The following RNF31 variants were observed in gnomAD, a reference collection of about 807,000 sequenced individuals.
RNF31 encodes E3 ubiquitin-protein ligase RNF31.
Under a neutral mutation model 133.6 loss-of-function variants are expected in RNF31, and 38 were observed. That is an observed-to-expected ratio of 0.28 (90% CI 0.22 to 0.37). RNF31 has a LOEUF of 0.37. Ranked by LOEUF, RNF31 falls within the 10% of genes least tolerant of loss-of-function variation. The pLI, the probability that RNF31 is intolerant of heterozygous loss-of-function variation, is 1.00. For missense variants in RNF31, 1,118 were observed against 1,394.1 expected (o/e 0.80, Z 3.15); for synonymous variants, 582 against 552.3 (o/e 1.05, Z -0.75).
At chr14:24,154,486 C>T (rs2038313785) in intron 11 of RNF31, among the ~76,000 whole-genome samples, 2 of 152,154 alleles carry the variant, frequency 1.3e-5, no homozygotes, top group African/African-American at 2.4e-5. Flanking sequence ...CAATGTTGGC[C>T]AGGCTGGTCT....
chr14:24,149,964 A>T, intron 6 of RNF31, 97 bp from the exon 7 acceptor site: 2 of 1,399,108 alleles, frequency 1.4e-6, no homozygotes, highest in Non-Finnish European at 1.9e-6. Flanking sequence ...AAGGCCAGTG[A>T]CATGAGTTGT....
In RNF31 at chr14:24,148,825, C is replaced by T; in HGVS notation, c.580C>T (p.Pro194Ser). 1.2e-6 allele frequency: 2 copies of T among 1,614,088 alleles called. No homozygotes were observed. The highest frequency in any genetic ancestry group is 1.7e-5 in the Admixed American group (1 of 60,026). The change falls in exon 5 of 21, where the codon CCC becomes TCC. Residue 194 changes from proline (P) to serine (S), a missense_variant. Physicochemically the swap from Pro to Ser is moderately conservative, Grantham distance 74. Transcript: ENST00000324103. ...DDMLQLSEFD[P>S]LLREIAPGPL... The stretch of plus-strand genomic sequence containing the variant: ...GATGCTGCAGCTTTCAGAATTTGAC[C>T]CCCTATTGAGAGAGATTGCTCCTGG...
At chr14:24,154,037 C>T (rs919862886) in intron 11 of RNF31, among the ~76,000 whole-genome samples, 1 of 152,220 alleles carries the variant, frequency 6.6e-6, no homozygotes, top group Non-Finnish European at 1.5e-5. Flanking sequence ...GCTCTGTCGC[C>T]CTGGCTGGAG....
chr14:24,151,015 A>G lies in RNF31; in HGVS notation c.1489-116A>G. On this transcript the variant is annotated intron_variant, in intron 8 of 20. Coordinates refer to ENST00000324103, the MANE Select transcript of RNF31 (RefSeq NM_017999.5). This position sits in a 1 kb window ranked among gnomAD's most constrained non-coding sequence, Gnocchi z 5.3. ...GCTGCCTGTTACTGAGGCAGTTACCATTGCTGTACACTGATGACATGATCC... is the reference window on the plus strand; with the variant it reads ...GCTGCCTGTTACTGAGGCAGTTACCGTTGCTGTACACTGATGACATGATCC... 1 of 1,518,172 alleles carries G rather than the reference A, an allele frequency of 6.6e-7. No homozygotes were observed. Among genetic ancestry groups the G allele is most frequent in the Non-Finnish European group, 8.9e-7 (1 of 1,126,802 alleles). 94.0% of individuals were successfully genotyped at this position (1,518,172 alleles called of 1,614,324 possible). A position where few individuals can be genotyped will look rare whatever the true frequency, so the allele number is the denominator to read the frequency against.
At chr14:24,147,044 G>A (rs1467167407), upstream of RNF31, 1 of 225,100 alleles carries the variant, frequency 4.4e-6, no homozygotes, top group South Asian at 5.2e-5. Context: ...GGGTGGAGAA[G>A]GACTAGCAGC....
Position 24,150,389 on chromosome 14 carries a change from C to T in RNF31, c.1138C>T (p.Gln380Ter). 1 of 1,613,462 alleles carries T rather than the reference C, an allele frequency of 6.2e-7. No individual in the cohort carries two copies. Among genetic ancestry groups the T allele is most frequent in the Non-Finnish European group, 8.5e-7 (1 of 1,179,934 alleles). Reference sequence around the variant, plus strand: ...CATATGTGAGCGACCTCGGCTGGCCCAGCCTCCCAGCTTGGTGGTGGATTC... The same window carrying T: ...CATATGTGAGCGACCTCGGCTGGCCTAGCCTCCCAGCTTGGTGGTGGATTC... ...CSICERPRLA[Q>*]PPSLVVDSRD... The change falls in exon 7 of 21, where the codon CAG (glutamine) becomes TAG (stop). Residue 380 changes from glutamine to a stop codon, truncating the protein, a stop_gained. Coordinates refer to ENST00000324103, the MANE Select transcript of RNF31 (RefSeq NM_017999.5). LOFTEE classifies it high-confidence loss of function.
chr14:24,150,380 C>A lies in RNF31; in HGVS notation c.1129C>A (p.Arg377=), dbSNP rs760643616. Residue 377 remains arginine (R), a synonymous_variant, in exon 7 of 21, where the codon CGG becomes AGG. Transcript: ENST00000324103. ...GCTATGTTCCATATGTGAGCGACCT[C>A]GGCTGGCCCAGCCTCCCAGCTTGGT... is the stretch of plus-strand genomic sequence containing the variant. ...AVLCSICERP[R]LAQPPSLVVD... is the part of the protein sequence containing the mutation. 2.5e-6 allele frequency: 4 copies of A among 1,613,710 alleles called. No homozygotes were observed. In the South Asian group the frequency reaches 3.3e-5, roughly 13 times the overall value.
At chr14:24,154,573 C>T (rs1245778789) in intron 11 of RNF31, among the ~76,000 whole-genome samples, 1 of 152,174 alleles carries the variant, frequency 6.6e-6, no homozygotes, top group African/African-American at 2.4e-5. Flanking sequence ...CCAGCGTGCC[C>T]GGCCCCCAGT....
At chr14:24,157,487 G>C in intron 15 of RNF31, 33 bp from the exon 16 acceptor site, 2 of 1,607,552 alleles carry the variant, frequency 1.2e-6, no homozygotes, top group Non-Finnish European at 1.7e-6. Context: ...AGTTGCAGCG[G>C]CAGCTCCAGC....
chr14:24,154,420 G>T (rs994897127), intron 11 of RNF31, among the ~76,000 whole-genome samples: 2 of 152,170 alleles, frequency 1.3e-5, no homozygotes, highest in Non-Finnish European at 2.9e-5. Context: ...GGGATTACAG[G>T]CATAAGCCAT....
At position 24,155,508 on chromosome 14, in the gene RNF31, C is replaced by G. The variant is rs754777322; in HGVS notation, c.2399C>G (p.Ala800Gly). ...LMRDPKFLWC[A>G]QCSFGFIYER... Reference sequence around the variant, plus strand: ...CGGGACCCCAAGTTCTTGTGGTGTGCCCAGGTAAGTGGCCTGCCCAGGGCA... The same window carrying G: ...CGGGACCCCAAGTTCTTGTGGTGTGGCCAGGTAAGTGGCCTGCCCAGGGCA... The change falls in exon 13 of 21, where the codon GCC (alanine) becomes GGC (glycine). Residue 800 changes from alanine to glycine, a missense_variant. Physicochemically the swap from Ala to Gly is moderately conservative, Grantham distance 60 (BLOSUM62 0). This residue lies in a region of RNF31 where 201 missense variants were observed against 371.7 expected (regional missense o/e 0.54). Transcript: ENST00000324103. The surrounding 1 kb of genome is among the most constrained non-coding windows in gnomAD (Gnocchi z 4.9). The G allele has an allele frequency of 6.2e-7, 1 of 1,614,158 alleles. No homozygotes were observed. Among genetic ancestry groups the G allele is most frequent in the Non-Finnish European group, 8.5e-7 (1 of 1,180,000 alleles).
At chr14:24,154,488 G>A (rs2038313809) in intron 11 of RNF31, among the ~76,000 whole-genome samples, 1 of 152,202 alleles carries the variant, frequency 6.6e-6, no homozygotes, top group Admixed American at 6.6e-5. Flanking sequence ...ATGTTGGCCA[G>A]GCTGGTCTCG....
At position 24,155,369 on chromosome 14, in the gene RNF31, T is replaced by C. The variant is rs370881565; in HGVS notation, c.2304+39T>C. The C allele has an allele frequency of 1.2e-6, 2 of 1,614,052 alleles. No individual in the cohort carries two copies. The highest frequency in any genetic ancestry group is 1.7e-6 in the Non-Finnish European group (2 of 1,179,902). ...TCTAGGACTCAGGTACCCTGAGCTT[T>C]GAACAGGGACCCTCCCACCCACCAC... On this transcript the variant is annotated intron_variant, in intron 12 of 20. Transcript: ENST00000324103. The surrounding 1 kb of genome is among the most constrained non-coding windows in gnomAD (Gnocchi z 4.9).
In RNF31 at chr14:24,155,524, GC is replaced by G. The variant is rs2038329309; in HGVS notation, c.2403+15del. 6.2e-7 allele frequency: 1 copy of G among 1,613,900 alleles called. No homozygotes were observed. Among genetic ancestry groups the G allele is most frequent in the Admixed American group, 1.7e-5 (1 of 60,004 alleles). ...TGTGGTGTGCCCAGGTAAGTGGCCTGCCCAGGGCAGCTACTGTGGAGGGGCA... is the reference window on the plus strand; with the variant it reads ...TGTGGTGTGCCCAGGTAAGTGGCCTGCCAGGGCAGCTACTGTGGAGGGGCA... On this transcript the variant is annotated intron_variant, in intron 13 of 20. Transcript: ENST00000324103. This position sits in a 1 kb window ranked among gnomAD's most constrained non-coding sequence, Gnocchi z 4.9.
chr14:24,149,328 G>A (rs2038227880), intron 5 of RNF31, 78 bp from the exon 6 acceptor site: 1 of 1,414,420 alleles, frequency 7.1e-7, no homozygotes, highest in Non-Finnish European at 9.7e-7. Context: ...GTAGTCTTGT[G>A]ATTTGCCCCC....
intron 6 of RNF31, 103 bp from the exon 7 acceptor site, chr14:24,149,958 C>T (rs1440120268): frequency 1.0e-5 from 14 of 1,358,184 alleles, no homozygotes; most frequent in Non-Finnish European, 1.3e-5. Flanking sequence ...TGTGCAAAGG[C>T]CAGTGACATG....
chr14:24,159,172 C>T (rs1417815106), intron 18 of RNF31, among the ~76,000 whole-genome samples: 3 of 151,468 alleles, frequency 2.0e-5, no homozygotes, highest in Non-Finnish European at 4.4e-5. Context: ...AGGTGAAACC[C>T]TGTCTCTACT....
rs780815940 is a variant in RNF31, at chr14:24,159,857, C to T, written c.2900-7C>T. ...CAACAGAGGCTCCCTTCTTCCCTCA[C>T]CTTTAGGCGGCTGCCGAGTGATAGA... is the stretch of plus-strand genomic sequence containing the variant. On this transcript the variant is annotated splice_region_variant and splice_polypyrimidine_tract_variant and intron_variant, in intron 18 of 20. Transcript: ENST00000324103. The T allele has an allele frequency of 1.2e-6, 2 of 1,613,174 alleles. No individual in the cohort carries two copies. The highest frequency in any genetic ancestry group is 8.5e-7 in the Non-Finnish European group (1 of 1,179,220).
intron 18 of RNF31, among the ~76,000 whole-genome samples, chr14:24,158,937 G>T (rs1164856732): frequency 1.3e-5 from 2 of 150,536 alleles, no homozygotes; most frequent in East Asian, 3.9e-4. Context: ...GGAGGCTGAG[G>T]CAGGAGAATG....
Sources: gnomAD v4.1 joint callset for allele counts (sites outside exome capture counted in the v4.1 genomes callset) on GRCh38, gnomAD v4.1.1 for gene constraint, gnomAD v4.1.1 regional missense constraint, Gnocchi (gnomAD v3.1) non-coding constraint, MANE v1.5 for transcripts, NCBI Gene and HGNC (gene_info 2026-07-23, HGNC 2026-07-21) for gene names.